ITIH5: variants seen among roughly 807,000 people sequenced by gnomAD.
ITIH5 encodes the protein inter-alpha-trypsin inhibitor heavy chain 5, also known as inter-alpha-trypsin inhibitor heavy chain H5.
A neutral mutation model predicts 77.5 loss-of-function variants in ITIH5; 65 were observed. The observed-to-expected ratio is 0.84, with a 90% confidence interval of 0.69 to 1.03. The LOEUF (loss-of-function observed/expected upper bound fraction) is 1.03. Among genes scored for constraint, ITIH5 ranks in the 50% least tolerant of loss-of-function variants. ITIH5 has a pLI of 0.00. For synonymous variants in ITIH5, 525 were observed against 494.3 expected (o/e 1.06, Z -0.82); for missense variants, 1,208 against 1,213.1 (o/e 1.00, Z 0.06).
At chr10:7,619,545 G>C in intron 5 of ITIH5, 1 of 335,046 alleles carries the variant, frequency 3.0e-6, no homozygotes, top group South Asian at 2.4e-5. Flanking sequence ...CCTGAGACTG[G>C]GTAGTTTATA....
At chr10:7,595,177 C>T (rs1218277594) in intron 7 of ITIH5, among the ~76,000 whole-genome samples, 6 of 152,182 alleles carry the variant, frequency 3.9e-5, no homozygotes, top group Admixed American at 3.9e-4. Context: ...TAGGATCATG[C>T]CACTACACTT....
chr10:7,567,976 G>A (rs1832221502), intron 12 of ITIH5, among the ~76,000 whole-genome samples: 1 of 152,204 alleles, frequency 6.6e-6, no homozygotes, highest in Non-Finnish European at 1.5e-5. Context: ...TAGCATGTGT[G>A]TAAGTTGTAA....
At chr10:7,601,667 T>C (rs2131007496) in intron 7 of ITIH5, among the ~76,000 whole-genome samples, 1 of 152,232 alleles carries the variant, frequency 6.6e-6, no homozygotes, top group South Asian at 2.1e-4. Context: ...GTGAACACCC[T>C]GTGATGGGGA....
At chr10:7,573,428 A>G (rs11255195) in intron 10 of ITIH5, among the ~76,000 whole-genome samples, 7,275 of 151,936 alleles carry the variant, frequency 0.048, 254 homozygotes, top group East Asian at 0.13. Flanking sequence ...GTGCTTCCGG[A>G]GGCCAAGGTG....
intron 7 of ITIH5, among the ~76,000 whole-genome samples, chr10:7,610,069 C>CTTTTTTTTTTTTTTTTT (rs5782989): frequency 1.2e-5 from 1 of 86,750 alleles, no homozygotes. Context: ...TTTCTTTTTT[C>CTTTTTTTTTTTTTTTTT]TTTTTTTTTT....
intron 7 of ITIH5, among the ~76,000 whole-genome samples, chr10:7,607,096 T>C (rs1421490291): frequency 1.3e-5 from 2 of 152,238 alleles, no homozygotes; most frequent in Admixed American, 6.5e-5. Context: ...GGTAGCAACG[T>C]CTTGACAAGG....
At chr10:7,644,458 TATCACATATAGATCATATATA>T in intron 2 of ITIH5, among the ~76,000 whole-genome samples, 1 of 143,516 alleles carries the variant, frequency 7.0e-6, no homozygotes, top group African/African-American at 2.6e-5. Context: ...AGATCATATA[TATCACATATAGATCATATATA>T]ATCACATATA....
At chr10:7,609,785 C>T (rs1468437445) in intron 7 of ITIH5, among the ~76,000 whole-genome samples, 1 of 152,128 alleles carries the variant, frequency 6.6e-6, no homozygotes, top group African/African-American at 2.4e-5. Context: ...GCATGGAAAA[C>T]ATCTGGTAAG....
In ITIH5 at chr10:7,624,784, TAAAAA is replaced by T. The variant is rs112757694; in HGVS notation, c.653-7507_653-7503del. Among the ~76,000 whole-genome samples, 138 of 31,668 alleles carry T rather than the reference TAAAAA, an allele frequency of 4.4e-3. 2 individuals carry two copies. The highest frequency in any genetic ancestry group is 5.9e-3 in the East Asian group (5 of 846). The allele number at this position is 31,668 out of a possible 152,430, so 20.8% of individuals were successfully genotyped here. A position where few individuals can be genotyped will look rare whatever the true frequency, so the allele number is the denominator to read the frequency against. ...CTGGGCGATAGAGTGAGACTCTGCCTAAAAAAAAAAAAAAATATATATATATATAC... is the reference window on the plus strand; with the variant it reads ...CTGGGCGATAGAGTGAGACTCTGCCTAAAAAAAAAATATATATATATATAC... On this transcript the variant is annotated intron_variant, in intron 5 of 13. Coordinates refer to ENST00000397146, the MANE Select transcript of ITIH5 (RefSeq NM_030569.7).
chr10:7,665,745 CG>C (rs1315080561), intron 1 of ITIH5, among the ~76,000 whole-genome samples: 1 of 152,212 alleles, frequency 6.6e-6, no homozygotes, highest in African/African-American at 2.4e-5. Context: ...AGGGCTTGCC[CG>C]GAACACACAA....
At chr10:7,584,559 C>G (rs1177878920) in intron 8 of ITIH5, among the ~76,000 whole-genome samples, 1 of 152,090 alleles carries the variant, frequency 6.6e-6, no homozygotes, top group African/African-American at 2.4e-5. Context: ...CCTGCCTCGG[C>G]CTCCCAAAGT....
At chr10:7,590,984 C>T (rs1832782898) in intron 7 of ITIH5, among the ~76,000 whole-genome samples, 1 of 152,248 alleles carries the variant, frequency 6.6e-6, no homozygotes. Context: ...GCAACCTCCG[C>T]CTCCCGGGTT....
intron 7 of ITIH5, among the ~76,000 whole-genome samples, chr10:7,595,875 G>C (rs553173989): frequency 1.3e-5 from 2 of 152,186 alleles, no homozygotes; most frequent in Admixed American, 6.5e-5. Context: ...AGGCATTGTG[G>C]CACGTGCCTG....
intron 5 of ITIH5, among the ~76,000 whole-genome samples, chr10:7,632,168 G>T (rs979563528): frequency 2.6e-5 from 4 of 152,172 alleles, no homozygotes; most frequent in African/African-American, 9.7e-5. Flanking sequence ...CCTAAGGTCT[G>T]CTGGAAAATC....
Position 7,569,789 on chromosome 10 carries a change from C to G in ITIH5, c.2033-5G>C, listed in dbSNP as rs763083650. 96 of 1,574,040 alleles carry G rather than the reference C, an allele frequency of 6.1e-5. 1 individual carries two copies. In the South Asian group the frequency reaches 1.0e-3, roughly 17 times the overall value. ...CAAAGTGGGGATCACCATCCACTGC[C>G]AGAGCAGAAGAAAACGGAGAGAAAA... is the stretch of plus-strand genomic sequence containing the variant. On this transcript the variant is annotated splice_region_variant and splice_polypyrimidine_tract_variant and intron_variant, in intron 11 of 13. Transcript: ENST00000397146.
At chr10:7,644,271 G>A (rs1389795533) in intron 2 of ITIH5, among the ~76,000 whole-genome samples, 1 of 148,874 alleles carries the variant, frequency 6.7e-6, no homozygotes, top group African/African-American at 2.5e-5. Flanking sequence ...GTACATATAT[G>A]TGCGTGTGTA....
At chr10:7,619,690 C>A in intron 5 of ITIH5, 1 of 228,240 alleles carries the variant, frequency 4.4e-6, no homozygotes. Flanking sequence ...CTGGGAAGCG[C>A]CGGACTTTTA....
chr10:7,655,199 C>G (rs562527669), intron 2 of ITIH5, among the ~76,000 whole-genome samples: 46 of 152,240 alleles, frequency 3.0e-4, no homozygotes, highest in African/African-American at 1.1e-3. Context: ...GAACATTTGC[C>G]CCGGTCCCAA....
At chr10:7,601,628 G>C (rs756175589) in intron 7 of ITIH5, among the ~76,000 whole-genome samples, 1 of 152,072 alleles carries the variant, frequency 6.6e-6, no homozygotes, top group Non-Finnish European at 1.5e-5. Context: ...TGCTTCTGGG[G>C]GTCCTTCCAG....
Sources: allele counts gnomAD v4.1 joint callset (sites outside exome capture counted in the v4.1 genomes callset), GRCh38; gene constraint gnomAD v4.1.1; transcripts MANE v1.5; gene names NCBI Gene and HGNC (gene_info 2026-07-23, HGNC 2026-07-21).